Variants in GABRP observed in about 807,000 individuals in gnomAD.
GABRP encodes the protein gamma-aminobutyric acid receptor subunit pi.
GABRP carries 52 observed loss-of-function variants against 47.8 expected under a neutral mutation model. The ratio of observed to expected loss-of-function variants is 1.09; its 90% CI spans 0.87 to 1.37. GABRP has a LOEUF of 1.37. GABRP is among the 40% of genes most tolerant of loss of function. The probability of loss-of-function intolerance (pLI) is 0.00; values close to 1 mark genes in which losing one functional copy is unlikely to be tolerated. For missense variants in GABRP, 525 were observed against 542.8 expected (o/e 0.97, Z 0.33); for synonymous variants, 221 against 205.8 (o/e 1.07, Z -0.63).
chr5:170,798,267 T>G (rs1765489769), intron 6 of GABRP, among the ~76,000 whole-genome samples: 1 of 152,160 alleles, frequency 6.6e-6, no homozygotes, highest in Admixed American at 6.5e-5. Flanking sequence ...GGTCTCGATC[T>G]CCTGACCTCA....
At chr5:170,788,315 C>G (rs1010603121) in intron 1 of GABRP, 1 of 275,266 alleles carries the variant, frequency 3.6e-6, no homozygotes, top group Non-Finnish European at 6.7e-6. Flanking sequence ...TGTCCCTGCA[C>G]TTCAGCCTGG....
At position 170,783,844 on chromosome 5, in the gene GABRP, C is replaced by T. The variant is rs1765062410; in HGVS notation, c.-73C>T. 1 of 152,304 alleles carries T rather than the reference C, an allele frequency of 6.6e-6. No homozygotes were observed. The highest frequency in any genetic ancestry group is 1.5e-5 in the Non-Finnish European group (1 of 68,126). 9.4% of individuals were successfully genotyped at this position (152,304 alleles called of 1,614,324 possible). The stretch of plus-strand genomic sequence containing the variant: ...AAGTCCTGCCTGTAGGCCTGAAGGA[C>T]TTGCCCTAACAGAGCCTCAACAACT... On this transcript the variant is annotated 5_prime_UTR_variant, in exon 1 of 10. Coordinates refer to ENST00000265294, the MANE Select transcript of GABRP (RefSeq NM_014211.3).
chr5:170,802,073 A>T (rs1765609154), intron 6 of GABRP, among the ~76,000 whole-genome samples: 1 of 152,232 alleles, frequency 6.6e-6, no homozygotes, highest in African/African-American at 2.4e-5. Flanking sequence ...TGCTTGATAG[A>T]TATAAAGCTC....
intron 8 of GABRP, among the ~76,000 whole-genome samples, chr5:170,809,062 A>G (rs1322342648): frequency 6.6e-6 from 1 of 151,890 alleles, no homozygotes; most frequent in Non-Finnish European, 1.5e-5. Context: ...TTATCATCCC[A>G]GGTAGCTGGG....
intron 3 of GABRP, among the ~76,000 whole-genome samples, chr5:170,791,360 C>A (rs1334310082): frequency 6.6e-6 from 1 of 152,252 alleles, no homozygotes; most frequent in Non-Finnish European, 1.5e-5. Flanking sequence ...GCTGGAGGCC[C>A]ACGGAGGGCC....
intron 6 of GABRP, 118 bp downstream of exon 6, chr5:170,797,666 G>A (rs1765466896): frequency 3.0e-6 from 2 of 676,916 alleles, no homozygotes; most frequent in South Asian, 1.7e-5. Context: ...ATTCATCGTG[G>A]ATTCAGCCCT....
chr5:170,789,503 A>G (rs999457372), intron 3 of GABRP, among the ~76,000 whole-genome samples: 2 of 152,082 alleles, frequency 1.3e-5, no homozygotes, highest in Admixed American at 6.5e-5. Flanking sequence ...ACACTCACAC[A>G]CTGTCGTCCT....
intron 6 of GABRP, among the ~76,000 whole-genome samples, chr5:170,803,837 C>T (rs1437180641): frequency 2.0e-5 from 3 of 152,028 alleles, no homozygotes; most frequent in East Asian, 3.9e-4. Context: ...AGTGCAATGG[C>T]GCAATCTAGG....
chr5:170,810,496 T>C (rs1219631992), intron 9 of GABRP, among the ~76,000 whole-genome samples: 1 of 152,184 alleles, frequency 6.6e-6, no homozygotes, highest in African/African-American at 2.4e-5. Flanking sequence ...CTAAACCTAC[T>C]TGGTTCCAAA....
chr5:170,786,554 T>C (rs981261569), intron 1 of GABRP, among the ~76,000 whole-genome samples: 1 of 152,196 alleles, frequency 6.6e-6, no homozygotes, highest in African/African-American at 2.4e-5. Context: ...AAGGTGTCAC[T>C]GATACTGCAA....
intron 1 of GABRP, among the ~76,000 whole-genome samples, chr5:170,784,769 G>A (rs910276002): frequency 6.6e-6 from 1 of 152,222 alleles, no homozygotes; most frequent in Admixed American, 6.5e-5. Flanking sequence ...GGAAAACTGA[G>A]ACTCTGAGAG....
intron 9 of GABRP, among the ~76,000 whole-genome samples, chr5:170,811,565 A>G (rs762568411): frequency 4.6e-5 from 7 of 152,112 alleles, no homozygotes; most frequent in Non-Finnish European, 8.8e-5. Context: ...GGCAATACCA[A>G]TCACCATTTG....
intron 3 of GABRP, 43 bp downstream of exon 3, chr5:170,789,290 A>G (rs752437512): frequency 1.6e-6 from 2 of 1,280,112 alleles, no homozygotes; most frequent in South Asian, 1.2e-5. Flanking sequence ...AAAGGGACGA[A>G]AACAGAGACA....
In GABRP at chr5:170,805,831, C is replaced by T. The variant is rs1315539305; in HGVS notation, c.657C>T (p.Val219=). 2.5e-6 allele frequency: 4 copies of T among 1,614,016 alleles called. No homozygotes were observed. Among genetic ancestry groups the T allele is most frequent in the East Asian group, 2.2e-5 (1 of 44,896 alleles). ...QYTIERYFTL[V]TRSQQETGNY... is the part of the protein sequence containing the mutation. Reference sequence around the variant, plus strand: ...CCATAGAGCGGTATTTCACCTTAGTCACCAGATCGCAGCAGGAGACAGGTA... The same window carrying T: ...CCATAGAGCGGTATTTCACCTTAGTTACCAGATCGCAGCAGGAGACAGGTA... The change falls in exon 7 of 10, where the codon GTC becomes GTT. Residue 219 remains valine, a synonymous_variant. Transcript: ENST00000265294.
In GABRP at chr5:170,788,684, C is replaced by T; in HGVS notation, c.53+16C>T. ...TCACTGAGAGGTGAGCTTTGCTACC[C>T]CCAGAATGGCCTCCATCTGCGTTGC... is the stretch of plus-strand genomic sequence containing the variant. On this transcript the variant is annotated intron_variant, in intron 2 of 9. Coordinates refer to ENST00000265294, the MANE Select transcript of GABRP (RefSeq NM_014211.3). The T allele has an allele frequency of 6.2e-7, 1 of 1,613,044 alleles. No homozygotes were observed.
chr5:170,813,185 A>G lies in GABRP; in HGVS notation c.*927A>G, dbSNP rs1383525611. 6.6e-6 allele frequency: 1 copy of G among 152,178 alleles called. No homozygotes were observed. The highest frequency in any genetic ancestry group is 1.5e-5 in the Non-Finnish European group (1 of 68,026). 9.4% of individuals were successfully genotyped at this position (152,178 alleles called of 1,614,324 possible). A position where few individuals can be genotyped will look rare whatever the true frequency, so the allele number is the denominator to read the frequency against. On this transcript the variant is annotated 3_prime_UTR_variant, in exon 10 of 10. Transcript: ENST00000265294. ...CACATAGTGATGGGGTACTAAAAGT[A>G]CTGGGTTGACTCAGAGAGTCGCTGT...
At chr5:170,783,099 A>T (rs7722094), upstream of GABRP, among the ~76,000 whole-genome samples, 13,924 of 152,040 alleles carry the variant, frequency 0.092, 1,143 homozygotes, top group African/African-American at 0.22. Flanking sequence ...AGGATGGGGG[A>T]AGGTGGAGGG....
intron 3 of GABRP, among the ~76,000 whole-genome samples, chr5:170,792,167 G>C (rs1158419823): frequency 6.6e-6 from 1 of 152,220 alleles, no homozygotes; most frequent in Admixed American, 6.5e-5. Context: ...CATAGGCCAA[G>C]CGCAGTGGCT....
chr5:170,802,429 C>T (rs1765620486), intron 6 of GABRP, among the ~76,000 whole-genome samples: 1 of 152,162 alleles, frequency 6.6e-6, no homozygotes, highest in Non-Finnish European at 1.5e-5. Context: ...AGCCATTTTT[C>T]AGAAGCAGAC....
Sources: gnomAD v4.1 joint callset for allele counts (sites outside exome capture counted in the v4.1 genomes callset) on GRCh38, gnomAD v4.1.1 for gene constraint, MANE v1.5 for transcripts, NCBI Gene and HGNC (gene_info 2026-07-23, HGNC 2026-07-21) for gene names.